Variants in RTN1 observed in about 807,000 individuals in gnomAD.
RTN1 encodes the protein reticulon 1.
In RTN1, 25 loss-of-function variants were observed where a neutral mutation model predicts 65.5. That is an observed-to-expected ratio of 0.38 (90% CI 0.28 to 0.53). RTN1 has a LOEUF of 0.53. Among genes scored for constraint, RTN1 ranks in the 20% least tolerant of loss-of-function variants. RTN1 has a pLI of 0.79. For missense variants in RTN1, 983 were observed against 1,025.4 expected, an observed-to-expected ratio of 0.96 and a Z score of 0.57; for synonymous variants, 471 against 447.6, an observed-to-expected ratio of 1.05 and a Z score of -0.66.
intron 1 of RTN1, among the ~76,000 whole-genome samples, chr14:59,804,075 A>G (rs1184164816): frequency 6.6e-6 from 1 of 152,056 alleles, no homozygotes. Flanking sequence ...ATATCTCCTT[A>G]GTTTTTACCT....
rs1887842142 is a variant in RTN1 at position 59,868,939 on chromosome 14, G to T, written c.241+1451C>A. ...GTTTTGTTTTCACTTGGATGCAGAA[G>T]TTGAAAGAGAGACTGAGCAGCCATT... On this transcript the variant is annotated intron_variant, in intron 1 of 8. Coordinates refer to ENST00000267484, the MANE Select transcript of RTN1 (RefSeq NM_021136.3). The surrounding 1 kb of genome is among the most constrained non-coding windows in gnomAD (Gnocchi z 4.0). Among the ~76,000 whole-genome samples the T allele has an allele frequency of 6.6e-6, 1 of 152,180 alleles. No individual in the cohort carries two copies. Among genetic ancestry groups the T allele is most frequent in the Non-Finnish European group, 1.5e-5 (1 of 68,032 alleles).
rs1566713015 is a variant in RTN1, at chr14:59,750,065, T to TATTATATATTATAATA, written c.242-3585_242-3584insTATTATAATATATAAT. Among the ~76,000 whole-genome samples, 43 of 27,124 alleles carry TATTATATATTATAATA rather than the reference T, an allele frequency of 1.6e-3. No individual in the cohort carries two copies. The East Asian group carries it at 0.024, about 15-fold the overall frequency. 17.8% of individuals were successfully genotyped at this position (27,124 alleles called of 152,430 possible). A position where few individuals can be genotyped will look rare whatever the true frequency, so the allele number is the denominator to read the frequency against. ...TTATATATTATATTATATACATATATTATATATTATATATTATAGACATAT... is the reference window on the plus strand; with the variant it reads ...TTATATATTATATTATATACATATATATTATATATTATAATATATATATTATATATTATAGACATAT... On this transcript the variant is annotated intron_variant, in intron 1 of 8. Coordinates refer to ENST00000267484, the MANE Select transcript of RTN1 (RefSeq NM_021136.3).
intron 1 of RTN1, among the ~76,000 whole-genome samples, chr14:59,754,088 C>G (rs543372381): frequency 3.3e-5 from 5 of 152,008 alleles, no homozygotes; most frequent in African/African-American, 4.8e-5. Context: ...GTAATAACTT[C>G]AAAAAAGTAC....
intron 1 of RTN1, among the ~76,000 whole-genome samples, chr14:59,797,289 T>A (rs1384001650): frequency 6.6e-6 from 1 of 152,156 alleles, no homozygotes; most frequent in African/African-American, 2.4e-5. Context: ...TGGGAAAAAT[T>A]CCTTTGTCCA....
chr14:59,711,856 T>A (rs1015549010), intron 3 of RTN1, among the ~76,000 whole-genome samples: 2 of 152,186 alleles, frequency 1.3e-5, no homozygotes, highest in African/African-American at 4.8e-5. Flanking sequence ...GTGCGCTCCA[T>A]GCATCAAGAT....
rs141659246 is a variant in RTN1 at position 59,699,170 on chromosome 14, G to A, written c.1765+27749C>T. Among the ~76,000 whole-genome samples the A allele has an allele frequency of 1.6e-3, 249 of 152,066 alleles. 1 individual carries two copies. The highest frequency in any genetic ancestry group is 5.8e-3 in the African/African-American group (242 of 41,488). ...TGAATGTGTCTTTTATCCTTTGAGC[G>A]CAGGGTATACTGCTCGAGTGATGGG... On this transcript the variant is annotated intron_variant, in intron 3 of 8. Transcript: ENST00000267484.
chr14:59,767,873 C>T (rs933233027), intron 1 of RTN1, among the ~76,000 whole-genome samples: 2 of 152,172 alleles, frequency 1.3e-5, no homozygotes, highest in Non-Finnish European at 1.5e-5. Context: ...AGTATCTGAT[C>T]GCTCTGAATC....
chr14:59,644,337 C>T (rs560234910), intron 3 of RTN1, among the ~76,000 whole-genome samples: 1 of 152,322 alleles, frequency 6.6e-6, no homozygotes, highest in East Asian at 1.9e-4. Context: ...GCCTCCCCTA[C>T]CTGGGAATCG....
At chr14:59,647,598 C>G (rs964915976) in intron 3 of RTN1, among the ~76,000 whole-genome samples, 1 of 152,140 alleles carries the variant, frequency 6.6e-6, no homozygotes, top group African/African-American at 2.4e-5. Context: ...ATACCAAATT[C>G]ACTCTTGGAT....
rs188567496 is a variant in RTN1, at chr14:59,682,789, C to G, written c.1765+44130G>C. 4.6e-5 allele frequency among the ~76,000 whole-genome samples: 7 copies of G among 152,234 alleles called. No homozygotes were observed. In the East Asian group the frequency reaches 1.4e-3, roughly 29 times the overall value. On this transcript the variant is annotated intron_variant, in intron 3 of 8. Coordinates refer to ENST00000267484, the MANE Select transcript of RTN1 (RefSeq NM_021136.3). ...ATAATTTATGAGTTTCCTCATAATTCTATGATTAAAGTGACTAATCATAGG... is the reference window on the plus strand; with the variant it reads ...ATAATTTATGAGTTTCCTCATAATTGTATGATTAAAGTGACTAATCATAGG...
At chr14:59,664,197 C>T (rs898029437) in intron 3 of RTN1, among the ~76,000 whole-genome samples, 2 of 152,098 alleles carry the variant, frequency 1.3e-5, no homozygotes, top group Admixed American at 6.5e-5. Flanking sequence ...AACCATCATT[C>T]TCGGCAAACT....
intron 3 of RTN1, among the ~76,000 whole-genome samples, chr14:59,622,491 A>G (rs1198044965): frequency 6.7e-6 from 1 of 148,838 alleles, no homozygotes; most frequent in Admixed American, 6.8e-5. Context: ...TTTAACTACA[A>G]TAATTGACTA....
intron 1 of RTN1, among the ~76,000 whole-genome samples, chr14:59,821,362 A>G (rs562028111): frequency 6.6e-6 from 1 of 152,242 alleles, no homozygotes; most frequent in East Asian, 1.9e-4. Context: ...CGTTGTTTCT[A>G]GTTTGTATCC....
intron 2 of RTN1, 60 bp downstream of exon 2, chr14:59,745,648 T>C (rs951515744): frequency 1.4e-6 from 2 of 1,394,704 alleles, no homozygotes; most frequent in African/African-American, 1.4e-5. Flanking sequence ...ATATTTGTTT[T>C]AGGGATTGAG....
intron 2 of RTN1, among the ~76,000 whole-genome samples, chr14:59,742,470 A>G (rs10138254): frequency 0.46 from 70,095 of 151,854 alleles, 18,015 homozygotes; most frequent in African/African-American, 0.7. Context: ...AACAATTCTC[A>G]CCTCTCCACC....
intron 1 of RTN1, among the ~76,000 whole-genome samples, chr14:59,749,322 ATATATC>A (rs1452556637): frequency 0.012 from 520 of 45,198 alleles, 134 homozygotes; most frequent in Middle Eastern, 0.037. Context: ...ATATATATCT[ATATATC>A]TATATATATC....
At chr14:59,796,962 A>G (rs1289595332) in intron 1 of RTN1, among the ~76,000 whole-genome samples, 2 of 152,210 alleles carry the variant, frequency 1.3e-5, no homozygotes, top group African/African-American at 4.8e-5. Context: ...GAGTTAATCA[A>G]TAAAAGATCA....
chr14:59,624,152 A>T (rs1450084929), intron 3 of RTN1, among the ~76,000 whole-genome samples: 1 of 152,226 alleles, frequency 6.6e-6, no homozygotes, highest in Non-Finnish European at 1.5e-5. Context: ...GGAAGAATTT[A>T]GAATTTTATT....
Position 59,793,636 on chromosome 14 carries a change from C to CACCACACACA in RTN1, c.242-47156_242-47155insTGTGTGTGGT, listed in dbSNP as rs771792171. 5.7e-3 allele frequency among the ~76,000 whole-genome samples: 818 copies of CACCACACACA among 144,300 alleles called. 7 individuals carry two copies. Among genetic ancestry groups the CACCACACACA allele is most frequent in the African/African-American group, 0.02 (766 of 38,662 alleles). The allele number at this position is 144,300 out of a possible 152,430, so 94.7% of individuals were successfully genotyped here. A position where few individuals can be genotyped will look rare whatever the true frequency, so the allele number is the denominator to read the frequency against. Reference sequence around the variant, plus strand: ...TTACCTTGTCAATTACAGGCACACACCACACACACACACACACACACACAC... The same window carrying CACCACACACA: ...TTACCTTGTCAATTACAGGCACACACACCACACACACACACACACACACACACACACACAC... On this transcript the variant is annotated intron_variant, in intron 1 of 8. Coordinates refer to ENST00000267484, the MANE Select transcript of RTN1 (RefSeq NM_021136.3).
Sources: allele counts gnomAD v4.1 joint callset (sites outside exome capture counted in the v4.1 genomes callset), GRCh38; gene constraint gnomAD v4.1.1; non-coding constraint Gnocchi (gnomAD v3.1); transcripts MANE v1.5; gene names NCBI Gene and HGNC (gene_info 2026-07-23, HGNC 2026-07-21).